PCDHA11: variants seen among roughly 807,000 people sequenced by gnomAD.
The protein encoded by PCDHA11 is protocadherin alpha 11.
A neutral mutation model predicts 70.3 loss-of-function variants in PCDHA11; 61 were observed. The ratio of observed to expected loss-of-function variants is 0.87; its 90% CI spans 0.71 to 1.07. The LOEUF is 1.07. PCDHA11 is among the 50% of genes least tolerant of loss of function. PCDHA11 has a pLI of 0.00. For missense variants in PCDHA11, 1,324 were observed against 1,237.5 expected (o/e 1.07, Z -1.05); for synonymous variants, 633 against 555.1 (o/e 1.14, Z -1.97).
rs2053063966 is a variant in PCDHA11, at chr5:140,871,413, C to T, written c.2310C>T (p.Ala770=). ...EEGPPKTDLM[A]FSPSLPLGLN... ...GCCCACCTAAGACGGACCTCATGGC[C>T]TTCAGCCCCAGTCTTCCTCTAGGTC... Residue 770 remains alanine (A), a synonymous_variant, in exon 1 of 4, where the codon GCC becomes GCT. Coordinates refer to ENST00000398640, the MANE Select transcript of PCDHA11 (RefSeq NM_018902.5). The T allele has an allele frequency of 3.1e-6, 5 of 1,613,884 alleles. No homozygotes were observed. Among genetic ancestry groups the T allele is most frequent in the Admixed American group, 1.7e-5 (1 of 59,950 alleles).
intron 1 of PCDHA11, chr5:140,883,172 AT>A: frequency 1.2e-6 from 2 of 1,614,038 alleles, no homozygotes; most frequent in Non-Finnish European, 1.7e-6. Flanking sequence ...CAATGGAGAA[AT>A]TAGGACAAAA....
intron 3 of PCDHA11, among the ~76,000 whole-genome samples, chr5:141,003,371 G>A (rs782012251): frequency 2.0e-5 from 3 of 152,148 alleles, no homozygotes; most frequent in African/African-American, 7.2e-5. Flanking sequence ...GAGTGCAGTG[G>A]TGCAATCTCA....
intron 1 of PCDHA11, chr5:140,966,716 G>T: frequency 1.4e-6 from 2 of 1,394,682 alleles, no homozygotes; most frequent in Non-Finnish European, 9.2e-7. Context: ...CACGGCTGGG[G>T]AAGCTGCCGC....
At chr5:140,960,903 G>C (rs560284839) in intron 1 of PCDHA11, among the ~76,000 whole-genome samples, 3 of 152,308 alleles carry the variant, frequency 2.0e-5, no homozygotes, top group African/African-American at 7.2e-5. Context: ...GGCATATCTT[G>C]AGTTTCAGAT....
intron 1 of PCDHA11, among the ~76,000 whole-genome samples, chr5:140,915,401 A>G (rs536178543): frequency 1.3e-5 from 2 of 152,300 alleles, no homozygotes; most frequent in African/African-American, 4.8e-5. Flanking sequence ...TATTTCTTAT[A>G]GTCTTTGCAG....
At chr5:140,892,480 CA>C (rs1484176083) in intron 1 of PCDHA11, among the ~76,000 whole-genome samples, 14 of 152,110 alleles carry the variant, frequency 9.2e-5, no homozygotes, top group Non-Finnish European at 1.8e-4. Context: ...GTTTCCTAGC[CA>C]AACATGAGAG....
intron 1 of PCDHA11, among the ~76,000 whole-genome samples, chr5:140,942,021 A>C (rs2093219800): frequency 6.6e-6 from 1 of 152,198 alleles, no homozygotes; most frequent in South Asian, 2.1e-4. Context: ...TTTTGGGAAA[A>C]AATAATTCAT....
chr5:140,877,604 T>G (rs376081263), intron 1 of PCDHA11: 2 of 1,613,768 alleles, frequency 1.2e-6, no homozygotes, highest in African/African-American at 1.3e-5. Context: ...TCCAGCCTGC[T>G]GGTGCTCACG....
intron 1 of PCDHA11, among the ~76,000 whole-genome samples, chr5:140,899,663 C>T (rs1583349850): frequency 1.3e-5 from 2 of 152,176 alleles, no homozygotes; most frequent in African/African-American, 4.8e-5. Flanking sequence ...TGTCTCTGCC[C>T]GGCTTTGGTA....
At chr5:140,927,547 G>A (rs2084343936) in intron 1 of PCDHA11, 2 of 1,614,126 alleles carry the variant, frequency 1.2e-6, no homozygotes, top group Non-Finnish European at 8.5e-7. Flanking sequence ...AGACGCACAA[G>A]TCACCATCAT....
intron 1 of PCDHA11, chr5:140,883,930 C>A: frequency 2.5e-6 from 4 of 1,613,066 alleles, no homozygotes; most frequent in Non-Finnish European, 3.4e-6. Flanking sequence ...TGCAGGTGTT[C>A]GTGCTGGACG....
At chr5:140,961,479 C>G (rs2095615905) in intron 1 of PCDHA11, among the ~76,000 whole-genome samples, 1 of 152,108 alleles carries the variant, frequency 6.6e-6, no homozygotes, top group Non-Finnish European at 1.5e-5. Context: ...TTTGTCTTGT[C>G]CACGTGAGTA....
At chr5:140,956,020 T>C (rs2095249402) in intron 1 of PCDHA11, among the ~76,000 whole-genome samples, 1 of 152,240 alleles carries the variant, frequency 6.6e-6, no homozygotes, top group Non-Finnish European at 1.5e-5. Context: ...TTTGCTGAAG[T>C]TGCTTATCAG....
intron 1 of PCDHA11, among the ~76,000 whole-genome samples, chr5:140,953,627 T>C (rs1298172951): frequency 6.6e-6 from 1 of 152,178 alleles, no homozygotes; most frequent in Non-Finnish European, 1.5e-5. Context: ...ATTTGCTTTA[T>C]GTATTTTGGC....
intron 1 of PCDHA11, among the ~76,000 whole-genome samples, chr5:140,921,467 A>G (rs1287124986): frequency 1.3e-5 from 2 of 152,204 alleles, no homozygotes; most frequent in East Asian, 1.9e-4. Flanking sequence ...TGCAACCACT[A>G]CCAAACCACT....
intron 1 of PCDHA11, among the ~76,000 whole-genome samples, chr5:140,948,234 T>G (rs1011132417): frequency 6.6e-6 from 1 of 151,670 alleles, no homozygotes; most frequent in African/African-American, 2.4e-5. Flanking sequence ...TTAACTTGTA[T>G]TTTAGTAAAT....
chr5:140,954,441 G>A (rs1411694581), intron 1 of PCDHA11, among the ~76,000 whole-genome samples: 2 of 151,498 alleles, frequency 1.3e-5, no homozygotes, highest in Non-Finnish European at 3.0e-5. Flanking sequence ...TGTTGTTTCT[G>A]GACTTGTTAA....
At chr5:140,927,015 G>C in intron 1 of PCDHA11, 1 of 1,612,466 alleles carries the variant, frequency 6.2e-7, no homozygotes, top group Non-Finnish European at 8.5e-7. Context: ...ATCTCTCCGC[G>C]GACTTGAGGC....
intron 1 of PCDHA11, among the ~76,000 whole-genome samples, chr5:140,896,268 A>T (rs2065469707): frequency 6.6e-6 from 1 of 152,150 alleles, no homozygotes; most frequent in African/African-American, 2.4e-5. Context: ...CAGTTATGGG[A>T]TTTGCTGGCT....
Sources: gnomAD v4.1 joint callset for allele counts (sites outside exome capture counted in the v4.1 genomes callset) on GRCh38, gnomAD v4.1.1 for gene constraint, MANE v1.5 for transcripts, NCBI Gene and HGNC (gene_info 2026-07-23, HGNC 2026-07-21) for gene names.